AFF1: variants seen among roughly 807,000 people sequenced by gnomAD.
The protein encoded by AFF1 is AF4/FMR2 family member 1.
Under a neutral mutation model 121.7 loss-of-function variants are expected in AFF1, and 48 were observed. That is an observed-to-expected ratio of 0.39 (90% CI 0.31 to 0.50). The LOEUF is 0.50. Ranked by LOEUF, AFF1 falls within the 20% of genes least tolerant of loss-of-function variation. The pLI, the probability that AFF1 is intolerant of heterozygous loss-of-function variation, is 0.76. For synonymous variants in AFF1, 613 were observed against 563.0 expected (o/e 1.09, Z -1.26); for missense variants, 1,523 against 1,511.7 (o/e 1.01, Z -0.12).
intron 2 of AFF1, among the ~76,000 whole-genome samples, chr4:86,971,713 A>G (rs990458506): frequency 3.3e-5 from 5 of 152,252 alleles, no homozygotes; most frequent in Non-Finnish European, 7.3e-5. Context: ...ATTGGACACT[A>G]TGGGCAAAAA....
intron 2 of AFF1, among the ~76,000 whole-genome samples, chr4:86,996,553 C>G (rs1472625583): frequency 1.3e-5 from 2 of 150,744 alleles, no homozygotes; most frequent in African/African-American, 4.9e-5. Context: ...CATCACCACT[C>G]CCTAATCTCA....
intron 5 of AFF1, among the ~76,000 whole-genome samples, chr4:87,088,513 A>G (rs907045800): frequency 6.6e-6 from 1 of 152,346 alleles, no homozygotes; most frequent in Admixed American, 6.5e-5. Flanking sequence ...GGACTTAGAA[A>G]AGAATGAGGC....
chr4:86,967,062 C>G (rs1560506712), intron 2 of AFF1, among the ~76,000 whole-genome samples: 1 of 152,208 alleles, frequency 6.6e-6, no homozygotes. Context: ...ATATACTATT[C>G]CTTCCTCCCA....
intron 4 of AFF1, among the ~76,000 whole-genome samples, chr4:87,075,518 A>G (rs910550274): frequency 2.6e-5 from 4 of 152,102 alleles, no homozygotes; most frequent in Non-Finnish European, 5.9e-5. Context: ...TTCATCTTCT[A>G]TCTCAAGGAA....
At chr4:86,950,002 C>A (rs1038489034) in intron 2 of AFF1, 7 of 1,613,892 alleles carry the variant, frequency 4.3e-6, no homozygotes, top group Non-Finnish European at 5.9e-6. Context: ...AGATGGCGAG[C>A]GCCAGTTTCA....
In AFF1 at chr4:87,046,860, AT is replaced by A; in HGVS notation, c.327del (p.Pro110HisfsTer57). 6.2e-7 allele frequency: 1 copy of A among 1,614,224 alleles called. No homozygotes were observed. Among genetic ancestry groups the A allele is most frequent in the South Asian group, 1.1e-5 (1 of 91,084 alleles). Reference sequence around the variant, plus strand: ...TTTAATTCCTGACAAAGGGAGCAGCATTCCATCCAGCTCCTTCCACACTAGT... The same window carrying A: ...TTTAATTCCTGACAAAGGGAGCAGCATCCATCCAGCTCCTTCCACACTAGT... The part of the protein sequence containing the change: ...YPLIPDKGSS[I>X]PSSSFHTSVH... On this transcript the variant is annotated frameshift_variant, in exon 4 of 21. Coordinates refer to ENST00000395146, the MANE Select transcript of AFF1 (RefSeq NM_001166693.3). LOFTEE classifies it high-confidence loss of function.
chr4:86,990,643 T>G (rs1025998562), intron 2 of AFF1, among the ~76,000 whole-genome samples: 1 of 152,072 alleles, frequency 6.6e-6, no homozygotes, highest in African/African-American at 2.4e-5. Context: ...TTGGGTAATA[T>G]GAAATTGCTG....
intron 2 of AFF1, among the ~76,000 whole-genome samples, chr4:86,979,692 A>G (rs1378319394): frequency 6.6e-6 from 1 of 152,228 alleles, no homozygotes; most frequent in East Asian, 1.9e-4. Context: ...TGAAAACTAC[A>G]TTTAGCTATC....
rs1560653909 is a variant in AFF1, at chr4:87,125,155, G to A, written c.2573+12G>A. ...TCTTCTAAAACAAAGTGAGTATAGAGATTAGCAACCACCTAATCTACGGTG... is the reference window on the plus strand; with the variant it reads ...TCTTCTAAAACAAAGTGAGTATAGAAATTAGCAACCACCTAATCTACGGTG... On this transcript the variant is annotated intron_variant, in intron 13 of 20. Coordinates refer to ENST00000395146, the MANE Select transcript of AFF1 (RefSeq NM_001166693.3). 1 of 1,595,720 alleles carries A rather than the reference G, an allele frequency of 6.3e-7. No individual in the cohort carries two copies. Among genetic ancestry groups the A allele is most frequent in the Non-Finnish European group, 8.6e-7 (1 of 1,169,216 alleles).
intron 2 of AFF1, among the ~76,000 whole-genome samples, chr4:87,043,314 C>T (rs1425009203): frequency 6.6e-6 from 1 of 152,170 alleles, no homozygotes; most frequent in Non-Finnish European, 1.5e-5. Context: ...CACCCATAGG[C>T]CTGTCTTGAC....
chr4:87,113,922 A>T (rs180699265), intron 11 of AFF1, among the ~76,000 whole-genome samples: 4 of 152,198 alleles, frequency 2.6e-5, no homozygotes, highest in African/African-American at 9.6e-5. Context: ...GTTGAAAAAT[A>T]TGTCAAAAAA....
chr4:86,960,213 C>T (rs1052726742), intron 2 of AFF1, among the ~76,000 whole-genome samples: 16 of 152,078 alleles, frequency 1.1e-4, no homozygotes, highest in Admixed American at 5.9e-4. Context: ...TTTAAGGTTA[C>T]AAGGGAGCTG....
intron 2 of AFF1, chr4:86,949,824 C>A: frequency 6.2e-7 from 1 of 1,613,946 alleles, no homozygotes; most frequent in Non-Finnish European, 8.5e-7. Flanking sequence ...ATGGCGAAAC[C>A]GATCCAGGAC....
intron 2 of AFF1, among the ~76,000 whole-genome samples, chr4:87,040,088 C>T (rs942431537): frequency 3.3e-5 from 5 of 152,092 alleles, no homozygotes; most frequent in Admixed American, 6.6e-5. Flanking sequence ...GACAGGGTTT[C>T]GCCATGTGGG....
intron 15 of AFF1, 54 bp downstream of exon 15, chr4:87,127,171 CCCCCA>C: frequency 2.3e-6 from 3 of 1,296,284 alleles, no homozygotes; most frequent in South Asian, 1.2e-5. Flanking sequence ...TTGCTTCCCC[CCCCCA>C]CCAAGATAGA....
intron 8 of AFF1, among the ~76,000 whole-genome samples, chr4:87,095,627 C>G (rs116478333): frequency 6.6e-6 from 1 of 152,118 alleles, no homozygotes; most frequent in African/African-American, 2.4e-5. Context: ...GAAGATTTTC[C>G]GCCCTTTTTT....
chr4:86,948,802 G>A (rs1050332575), intron 2 of AFF1, among the ~76,000 whole-genome samples: 1 of 152,068 alleles, frequency 6.6e-6, no homozygotes, highest in African/African-American at 2.4e-5. Context: ...TTTTAAAAAT[G>A]TGGATGTTAA....
chr4:87,139,504 C>G lies in AFF1; in HGVS notation c.*3803C>G. ...ACTGATTAGCAGTATTTAAATCTTG[C>G]AAGAATATTTTGTGCTTTCTTTAGA... On this transcript the variant is annotated 3_prime_UTR_variant, in exon 21 of 21. Coordinates refer to ENST00000395146, the MANE Select transcript of AFF1 (RefSeq NM_001166693.3). 4.3e-6 allele frequency: 1 copy of G among 231,510 alleles called. No individual in the cohort carries two copies. The highest frequency in any genetic ancestry group is 8.6e-6 in the Non-Finnish European group (1 of 116,744). 14.3% of individuals were successfully genotyped at this position (231,510 alleles called of 1,614,324 possible).
intron 2 of AFF1, among the ~76,000 whole-genome samples, chr4:86,965,326 TGTATTTCACTTTTC>T (rs1722462188): frequency 6.6e-6 from 1 of 152,242 alleles, no homozygotes; most frequent in Admixed American, 6.5e-5. Flanking sequence ...ACAGGTTACC[TGTATTTCACTTTTC>T]GGCTAATTTG....
Sources: gnomAD v4.1 joint callset for allele counts (sites outside exome capture counted in the v4.1 genomes callset) on GRCh38, gnomAD v4.1.1 for gene constraint, MANE v1.5 for transcripts, NCBI Gene and HGNC (gene_info 2026-07-23, HGNC 2026-07-21) for gene names.